Variants in GALNT18 observed in about 807,000 individuals in gnomAD.
GALNT18 encodes the protein GalNAc-transferase 18.
GALNT18 carries 44 observed loss-of-function variants against 69.5 expected under a neutral mutation model. The ratio of observed to expected loss-of-function variants is 0.63; its 90% CI spans 0.50 to 0.81. GALNT18 has a LOEUF of 0.81. Ranked by LOEUF, GALNT18 falls within the 40% of genes least tolerant of loss-of-function variation. The pLI, the probability that GALNT18 is intolerant of heterozygous loss-of-function variation, is 0.00. For missense variants in GALNT18, 715 were observed against 810.0 expected, an observed-to-expected ratio of 0.88 and a Z score of 1.42; for synonymous variants, 364 against 318.2, an observed-to-expected ratio of 1.14 and a Z score of -1.53.
intron 6 of GALNT18, among the ~76,000 whole-genome samples, chr11:11,365,015 CTTAATT>C (rs1370488453): frequency 3.1e-4 from 1 of 3,234 alleles, no homozygotes; most frequent in Admixed American, 3.6e-3. Flanking sequence ...CTCTTTTTTC[CTTAATT>C]TTTTTTTCAT....
At chr11:11,409,028 A>G (rs1419286243) in intron 3 of GALNT18, among the ~76,000 whole-genome samples, 1 of 152,200 alleles carries the variant, frequency 6.6e-6, no homozygotes, top group Non-Finnish European at 1.5e-5. Flanking sequence ...TGAGGCATTG[A>G]GGTGTCACGA....
chr11:11,587,010 A>G lies in GALNT18; in HGVS notation c.235+34349T>C, dbSNP rs1859244307. ...TCTCCAAATAAATAAATAAATAAATAAATAAACTCAAATTTCCTCCCATTT... is the reference window on the plus strand; with the variant it reads ...TCTCCAAATAAATAAATAAATAAATGAATAAACTCAAATTTCCTCCCATTT... On this transcript the variant is annotated intron_variant, in intron 1 of 10. Coordinates refer to ENST00000227756, the MANE Select transcript of GALNT18 (RefSeq NM_198516.3). The surrounding 1 kb of genome is among the most constrained non-coding windows in gnomAD (Gnocchi z 4.4). Among the ~76,000 whole-genome samples the G allele has an allele frequency of 1.3e-5, 2 of 152,058 alleles. No homozygotes were observed. Among genetic ancestry groups the G allele is most frequent in the South Asian group, 4.1e-4 (2 of 4,830 alleles).
intron 7 of GALNT18, among the ~76,000 whole-genome samples, chr11:11,336,714 G>T (rs565525058): frequency 6.6e-6 from 1 of 152,194 alleles, no homozygotes; most frequent in Non-Finnish European, 1.5e-5. Context: ...TAGCATCCAT[G>T]CATCCTCCTT....
chr11:11,579,226 C>T (rs1050899765), intron 1 of GALNT18, among the ~76,000 whole-genome samples: 2 of 152,258 alleles, frequency 1.3e-5, no homozygotes, highest in East Asian at 1.9e-4. Context: ...CGTGGCATGG[C>T]GCCAGCTCTC....
chr11:11,586,728 C>T lies in GALNT18; in HGVS notation c.235+34631G>A, dbSNP rs1455347892. Among the ~76,000 whole-genome samples, 1 of 152,140 alleles carries T rather than the reference C, an allele frequency of 6.6e-6. No individual in the cohort carries two copies. Among genetic ancestry groups the T allele is most frequent in the African/African-American group, 2.4e-5 (1 of 41,410 alleles). On this transcript the variant is annotated intron_variant, in intron 1 of 10. Coordinates refer to ENST00000227756, the MANE Select transcript of GALNT18 (RefSeq NM_198516.3). The surrounding 1 kb of genome is among the most constrained non-coding windows in gnomAD (Gnocchi z 4.1). ...GTAGCTCATGCCTGTAATCACAGCC[C>T]TTTGGGACGCCGAGGCGGGCAGATC...
intron 2 of GALNT18, among the ~76,000 whole-genome samples, chr11:11,448,007 A>C (rs1444346139): frequency 6.6e-6 from 1 of 152,220 alleles, no homozygotes; most frequent in Non-Finnish European, 1.5e-5. Context: ...TGAGCCACAA[A>C]TAACCATACC....
rs1408999440 is a variant in GALNT18 at position 11,617,412 on chromosome 11, G to T, written c.235+3947C>A. On this transcript the variant is annotated intron_variant, in intron 1 of 10. Transcript: ENST00000227756. The surrounding 1 kb of genome is among the most constrained non-coding windows in gnomAD (Gnocchi z 4.7). ...ACTGTAATCACTTTCTCAGTGCAGT[G>T]TCTGGCACACATTAGGTCTCCAACA... 6.6e-6 allele frequency among the ~76,000 whole-genome samples: 1 copy of T among 152,188 alleles called. No homozygotes were observed. The highest frequency in any genetic ancestry group is 1.5e-5 in the Non-Finnish European group (1 of 68,034).
chr11:11,490,917 T>C (rs1034043508), intron 1 of GALNT18, among the ~76,000 whole-genome samples: 1 of 152,194 alleles, frequency 6.6e-6, no homozygotes, highest in Non-Finnish European at 1.5e-5. Context: ...TATTCTGGCA[T>C]AGCCACACTC....
In GALNT18 at chr11:11,540,845, T is replaced by C. The variant is rs770152347; in HGVS notation, c.235+80514A>G. 4.6e-5 allele frequency among the ~76,000 whole-genome samples: 7 copies of C among 152,114 alleles called. No homozygotes were observed. Among genetic ancestry groups the C allele is most frequent in the East Asian group, 1.9e-4 (1 of 5,192 alleles). On this transcript the variant is annotated intron_variant, in intron 1 of 10. Transcript: ENST00000227756. The surrounding 1 kb of genome is among the most constrained non-coding windows in gnomAD (Gnocchi z 4.6). ...AACAGGTAATTGGCAGGAAGGTAGA[T>C]ATGGTGGTGGTGCTGTCTATTCAGA...
rs1564979419 is a variant in GALNT18 at position 11,497,367 on chromosome 11, CA to C, written c.236-48432del. Among the ~76,000 whole-genome samples, 145 of 148,004 alleles carry C rather than the reference CA, an allele frequency of 9.8e-4. 1 individual carries two copies. The highest frequency in any genetic ancestry group is 3.1e-3 in the African/African-American group (124 of 39,948). ...ACACACACACACACACACACACACA[CA>C]CACCCCTTAGAATGGGGCTCCTTAA... is the stretch of plus-strand genomic sequence containing the variant. On this transcript the variant is annotated intron_variant, in intron 1 of 10. Transcript: ENST00000227756. The surrounding 1 kb of genome is among the most constrained non-coding windows in gnomAD (Gnocchi z 4.2).
At position 11,411,032 on chromosome 11, in the gene GALNT18, G is replaced by C. The variant is rs138768303; in HGVS notation, c.595+21589C>G. Among the ~76,000 whole-genome samples the C allele has an allele frequency of 2.6e-5, 4 of 152,360 alleles. No homozygotes were observed. The East Asian group carries it at 7.7e-4, about 29-fold the overall frequency. ...GGCAGGTTCATAGAACTTAGTGGAG[G>C]CTGGGTGCAGTGGCTCATGCCTGTA... On this transcript the variant is annotated intron_variant, in intron 3 of 10. Coordinates refer to ENST00000227756, the MANE Select transcript of GALNT18 (RefSeq NM_198516.3).
rs76134219 is a variant in GALNT18, at chr11:11,289,321, G to C, written c.1677+3708C>G. On this transcript the variant is annotated intron_variant, in intron 10 of 10. Coordinates refer to ENST00000227756, the MANE Select transcript of GALNT18 (RefSeq NM_198516.3). Reference sequence around the variant, plus strand: ...AATTCAAAAATAGTATTTCCAAACAGTTCCCTTTTGTAGAAGGATCAAATA... The same window carrying C: ...AATTCAAAAATAGTATTTCCAAACACTTCCCTTTTGTAGAAGGATCAAATA... 8.8e-3 allele frequency among the ~76,000 whole-genome samples: 1,336 copies of C among 152,308 alleles called. 17 individuals are homozygous for C. Among genetic ancestry groups the C allele is most frequent in the African/African-American group, 0.028 (1,149 of 41,546 alleles).
chr11:11,437,716 A>T (rs1670340822), intron 2 of GALNT18, among the ~76,000 whole-genome samples: 1 of 130,706 alleles, frequency 7.7e-6, no homozygotes, highest in Admixed American at 8.9e-5. Context: ...GCAAGGTCCT[A>T]GTCTATCAGA....
chr11:11,606,119 A>C lies in GALNT18; in HGVS notation c.235+15240T>G, dbSNP rs1357055249. Reference sequence around the variant, plus strand: ...CTGTCCCTGGGCTTCCCTTCCAGGCAGTCTTAAAGCCAGAGGTCTGGATGT... The same window carrying C: ...CTGTCCCTGGGCTTCCCTTCCAGGCCGTCTTAAAGCCAGAGGTCTGGATGT... On this transcript the variant is annotated intron_variant, in intron 1 of 10. Coordinates refer to ENST00000227756, the MANE Select transcript of GALNT18 (RefSeq NM_198516.3). This position sits in a 1 kb window ranked among gnomAD's most constrained non-coding sequence, Gnocchi z 5.4. 6.6e-6 allele frequency among the ~76,000 whole-genome samples: 1 copy of C among 152,212 alleles called. No homozygotes were observed. The highest frequency in any genetic ancestry group is 1.5e-5 in the Non-Finnish European group (1 of 68,040).
chr11:11,443,498 C>A (rs1855577341), intron 2 of GALNT18, among the ~76,000 whole-genome samples: 1 of 152,108 alleles, frequency 6.6e-6, no homozygotes, highest in East Asian at 1.9e-4. Flanking sequence ...TTTTCCTCTT[C>A]TTGCCCCTCC....
intron 10 of GALNT18, among the ~76,000 whole-genome samples, chr11:11,285,837 A>G (rs1329018306): frequency 6.6e-6 from 1 of 152,242 alleles, no homozygotes. Flanking sequence ...TGTGCTCTGC[A>G]AATAGATTCG....
intron 6 of GALNT18, among the ~76,000 whole-genome samples, chr11:11,351,017 G>A (rs781211602): frequency 6.6e-6 from 1 of 152,156 alleles, no homozygotes; most frequent in Non-Finnish European, 1.5e-5. Context: ...GTCCCTGCAG[G>A]CACCAGTTTC....
chr11:11,553,237 T>C (rs1397512187), intron 1 of GALNT18, among the ~76,000 whole-genome samples: 1 of 152,216 alleles, frequency 6.6e-6, no homozygotes, highest in Non-Finnish European at 1.5e-5. Flanking sequence ...ATCCCACCGC[T>C]TCCTGCTTCC....
At chr11:11,448,047 T>A (rs1590011928) in intron 2 of GALNT18, among the ~76,000 whole-genome samples, 1 of 152,188 alleles carries the variant, frequency 6.6e-6, no homozygotes. Flanking sequence ...AGGTGTTCAA[T>A]GAATGTCTGT....
Sources: allele counts gnomAD v4.1 joint callset (sites outside exome capture counted in the v4.1 genomes callset), GRCh38; gene constraint gnomAD v4.1.1; non-coding constraint Gnocchi (gnomAD v3.1); transcripts MANE v1.5; gene names NCBI Gene and HGNC (gene_info 2026-07-23, HGNC 2026-07-21).